FNDC3B: variants seen among roughly 807,000 people sequenced by gnomAD.
The protein encoded by FNDC3B is fibronectin type III domain-containing protein 3B.
A neutral mutation model predicts 151.5 loss-of-function variants in FNDC3B; 12 were observed. The observed-to-expected ratio is 0.08, with a 90% CI of 0.05 to 0.13. The LOEUF (loss-of-function observed/expected upper bound fraction) is 0.13. FNDC3B is among the 10% of genes least tolerant of loss of function. FNDC3B has a pLI of 1.00. For missense variants in FNDC3B, 1,214 were observed against 1,505.3 expected (o/e 0.81, Z 3.20); for synonymous variants, 528 against 549.0 (o/e 0.96, Z 0.54).
At chr3:172,084,157 A>G (rs901704199) in intron 1 of FNDC3B, among the ~76,000 whole-genome samples, 6 of 152,068 alleles carry the variant, frequency 3.9e-5, no homozygotes, top group Non-Finnish European at 8.8e-5. Flanking sequence ...GACGTTTACA[A>G]AGTATTCTGG....
At chr3:172,138,977 G>T (rs1186917980) in intron 3 of FNDC3B, among the ~76,000 whole-genome samples, 2 of 152,150 alleles carry the variant, frequency 1.3e-5, no homozygotes. Context: ...GTGAGTGTGG[G>T]AACTGTATCG....
intron 2 of FNDC3B, among the ~76,000 whole-genome samples, chr3:172,132,492 G>A (rs139041719): frequency 2.2e-4 from 34 of 152,154 alleles, no homozygotes; most frequent in Middle Eastern, 3.4e-3. Context: ...CACAACTTCC[G>A]CCTCCTGGGT....
intron 8 of FNDC3B, among the ~76,000 whole-genome samples, chr3:172,296,856 G>A (rs746583266): frequency 7.9e-5 from 12 of 152,146 alleles, no homozygotes; most frequent in Non-Finnish European, 1.5e-4. Flanking sequence ...GATATGCAGG[G>A]CCAACTGGGG....
intron 22 of FNDC3B, among the ~76,000 whole-genome samples, chr3:172,359,849 T>C (rs2108337853): frequency 6.6e-6 from 1 of 152,288 alleles, no homozygotes; most frequent in South Asian, 2.1e-4. Context: ...AGTAAGGCCC[T>C]TTGTAATGGA....
intron 3 of FNDC3B, among the ~76,000 whole-genome samples, chr3:172,182,875 C>T (rs551381296): frequency 1.3e-5 from 2 of 152,340 alleles, no homozygotes; most frequent in East Asian, 3.9e-4. Context: ...GTAAAAGGAA[C>T]TCTGAGTGTA....
chr3:172,271,824 T>C (rs557026880), intron 6 of FNDC3B, among the ~76,000 whole-genome samples: 9 of 152,350 alleles, frequency 5.9e-5, no homozygotes, highest in African/African-American at 2.2e-4. Context: ...CATCCACGCA[T>C]GCAAGCATTC....
intron 11 of FNDC3B, among the ~76,000 whole-genome samples, chr3:172,328,714 A>T (rs904232131): frequency 1.3e-5 from 2 of 152,178 alleles, no homozygotes; most frequent in Non-Finnish European, 2.9e-5. Context: ...GGTACAGTAA[A>T]TTACCTGTCT....
chr3:172,091,873 G>GGTGTGTGGGTGT (rs1553760109), intron 1 of FNDC3B, among the ~76,000 whole-genome samples: 1 of 124,756 alleles, frequency 8.0e-6, no homozygotes. Flanking sequence ...ACTTTACTGG[G>GGTGTGTGGGTGT]GTGTGTGTGT....
intron 19 of FNDC3B, among the ~76,000 whole-genome samples, chr3:172,345,561 T>C (rs1398003694): frequency 1.3e-5 from 2 of 152,184 alleles, no homozygotes; most frequent in African/African-American, 4.8e-5. Context: ...TTGCATGTTA[T>C]GTTGAGAGGT....
rs138935004 is a variant in FNDC3B at position 172,167,311 on chromosome 3, G to A, written c.187+33765G>A. 3.5e-3 allele frequency among the ~76,000 whole-genome samples: 538 copies of A among 152,244 alleles called. 2 individuals are homozygous for A. The highest frequency in any genetic ancestry group is 5.5e-3 in the Non-Finnish European group (372 of 68,012). On this transcript the variant is annotated intron_variant, in intron 3 of 25. Transcript: ENST00000415807. ...CTCGGGAGGCTGAGGCACGAGAATC[G>A]CTTGAACCCAGGAGGCAGAGGTTGC... is the stretch of plus-strand genomic sequence containing the variant.
rs144190867 is a variant in FNDC3B, at chr3:172,107,944, C to T, written c.-28-4508C>T. Among the ~76,000 whole-genome samples, 1,273 of 151,938 alleles carry T rather than the reference C, an allele frequency of 8.4e-3. 11 individuals are homozygous for T. Among genetic ancestry groups the T allele is most frequent in the African/African-American group, 0.03 (1,241 of 41,438 alleles). Reference sequence around the variant, plus strand: ...GAACTTATTGGGAGGCCGAGGCGGGCGGATCACAAGGTCAGGAGTTCGAGA... The same window carrying T: ...GAACTTATTGGGAGGCCGAGGCGGGTGGATCACAAGGTCAGGAGTTCGAGA... On this transcript the variant is annotated intron_variant, in intron 1 of 25. Transcript: ENST00000415807.
Position 172,337,407 on chromosome 3 carries a change from GT to G in FNDC3B, c.1852+11del, listed in dbSNP as rs749849245. The G allele has an allele frequency of 2.0e-5, 32 of 1,600,544 alleles. No homozygotes were observed. The highest frequency in any genetic ancestry group is 2.7e-5 in the Non-Finnish European group (32 of 1,168,012). On this transcript the variant is annotated splice_region_variant and intron_variant, in intron 16 of 25. Coordinates refer to ENST00000415807, the MANE Select transcript of FNDC3B (RefSeq NM_022763.4). ...TACTGATGGAAATTCTGAAGGTGAA[GT>G]TTTTGGCAATTGTTTTATTCAAATC...
intron 22 of FNDC3B, among the ~76,000 whole-genome samples, chr3:172,354,864 A>AT (rs1344836662): frequency 2.1e-5 from 3 of 145,032 alleles, no homozygotes; most frequent in Admixed American, 1.4e-4. Flanking sequence ...CTTTTGTTTG[A>AT]TTTTCTTTTT....
At chr3:172,285,197 C>G (rs1729948650) in intron 6 of FNDC3B, among the ~76,000 whole-genome samples, 1 of 152,136 alleles carries the variant, frequency 6.6e-6, no homozygotes, top group African/African-American at 2.4e-5. Flanking sequence ...CACCCTTACC[C>G]ATCACATCCA....
chr3:172,085,157 T>C lies in FNDC3B; in HGVS notation c.-28-27295T>C, dbSNP rs139045454. ...CTTGGGATGATACTGCTTACCTCAT[T>C]TGATTTGATCAATGAGATTGAATTT... On this transcript the variant is annotated intron_variant, in intron 1 of 25. Transcript: ENST00000415807. 1.3e-3 allele frequency among the ~76,000 whole-genome samples: 198 copies of C among 152,302 alleles called. 1 individual carries two copies. The highest frequency in any genetic ancestry group is 2.4e-3 in the Non-Finnish European group (160 of 68,028).
chr3:172,074,316 C>T (rs993391234), intron 1 of FNDC3B, among the ~76,000 whole-genome samples: 2 of 152,192 alleles, frequency 1.3e-5, no homozygotes, highest in Non-Finnish European at 1.5e-5. Context: ...CTGTGAATTC[C>T]GTAACTCAGA....
intron 1 of FNDC3B, among the ~76,000 whole-genome samples, chr3:172,094,934 T>G (rs1411889318): frequency 6.6e-6 from 1 of 151,930 alleles, no homozygotes; most frequent in African/African-American, 2.4e-5. Flanking sequence ...GGTCCTGTAC[T>G]TTTTCAGAAT....
chr3:172,127,126 T>C (rs1720845214), intron 2 of FNDC3B: 2 of 455,040 alleles, frequency 4.4e-6, no homozygotes, highest in Non-Finnish European at 8.8e-6. Context: ...AAAATTTTTC[T>C]TGAGACTGTA....
chr3:172,278,441 C>A (rs1376295906), intron 6 of FNDC3B, among the ~76,000 whole-genome samples: 3 of 152,166 alleles, frequency 2.0e-5, no homozygotes, highest in Non-Finnish European at 2.9e-5. Context: ...TGGTCTTGAG[C>A]CTTCCCCCAA....
Sources: gnomAD v4.1 joint callset for allele counts (sites outside exome capture counted in the v4.1 genomes callset) on GRCh38, gnomAD v4.1.1 for gene constraint, MANE v1.5 for transcripts, NCBI Gene and HGNC (gene_info 2026-07-23, HGNC 2026-07-21) for gene names.